Variants in CTNND2 observed in about 807,000 individuals in gnomAD.
CTNND2 encodes the protein catenin delta-2.
Under a neutral mutation model 144.4 loss-of-function variants are expected in CTNND2, and 22 were observed. The observed-to-expected ratio is 0.15, with a 90% CI of 0.11 to 0.22. The LOEUF (loss-of-function observed/expected upper bound fraction) is 0.22. Ranked by LOEUF, CTNND2 falls within the 10% of genes least tolerant of loss-of-function variation. The pLI is 1.00. For synonymous variants in CTNND2, 751 were observed against 695.6 expected, an observed-to-expected ratio of 1.08 and a Z score of -1.25; for missense variants, 1,353 against 1,618.8, an observed-to-expected ratio of 0.84 and a Z score of 2.82.
intron 16 of CTNND2, among the ~76,000 whole-genome samples, chr5:11,036,032 T>C (rs1405407206): frequency 6.6e-6 from 1 of 152,218 alleles, no homozygotes; most frequent in African/African-American, 2.4e-5. Flanking sequence ...TTTGAGTATA[T>C]ACTCTGTTTT....
intron 3 of CTNND2, among the ~76,000 whole-genome samples, chr5:11,492,731 G>A (rs565526625): frequency 1.3e-5 from 2 of 151,496 alleles, no homozygotes; most frequent in African/African-American, 4.8e-5. Flanking sequence ...TTCATTAATA[G>A]ATATATACAT....
rs1759524776 is a variant in CTNND2, at chr5:11,390,347, C to G, written c.613-5118G>C. Among the ~76,000 whole-genome samples, 4 of 152,262 alleles carry G rather than the reference C, an allele frequency of 2.6e-5. No homozygotes were observed. In the East Asian group the frequency reaches 7.7e-4, roughly 29 times the overall value. ...TCCAGATTCTTTCACGCTGAATCTT[C>G]TATGGAGGGAGTAGGAATGGCAGAG... On this transcript the variant is annotated intron_variant, in intron 6 of 21. Transcript: ENST00000304623.
chr5:11,108,838 C>T lies in CTNND2; in HGVS notation c.2463+2020G>A, dbSNP rs61754607. On this transcript the variant is annotated intron_variant, in intron 14 of 21. Transcript: ENST00000304623. ...CCAAACCACGCTGAAACAGTACCCA[C>T]CTCAGGACACCATCACAGGATCGTT... Among the ~76,000 whole-genome samples, 355 of 152,268 alleles carry T rather than the reference C, an allele frequency of 2.3e-3. 1 individual carries two copies. The highest frequency in any genetic ancestry group is 3.7e-3 in the South Asian group (18 of 4,814).
intron 2 of CTNND2, among the ~76,000 whole-genome samples, chr5:11,681,969 C>A (rs912810509): frequency 6.7e-6 from 1 of 149,588 alleles, no homozygotes; most frequent in Admixed American, 6.7e-5. Flanking sequence ...GGCCTTCTGA[C>A]ACATGACACA....
At chr5:11,245,463 A>T (rs1742901367) in intron 9 of CTNND2, among the ~76,000 whole-genome samples, 1 of 152,160 alleles carries the variant, frequency 6.6e-6, no homozygotes, top group Non-Finnish European at 1.5e-5. Context: ...TGGACGCAGA[A>T]GAGGGCAATG....
intron 1 of CTNND2, among the ~76,000 whole-genome samples, chr5:11,845,687 C>T (rs768101148): frequency 2.4e-4 from 36 of 152,240 alleles, no homozygotes; most frequent in Non-Finnish European, 4.6e-4. Flanking sequence ...ACTCAGTTTG[C>T]GATGCTTTGT....
chr5:11,408,635 A>G (rs1176191021), intron 5 of CTNND2, among the ~76,000 whole-genome samples: 8 of 152,154 alleles, frequency 5.3e-5, no homozygotes, highest in Non-Finnish European at 1.0e-4. Context: ...GTGACAATAT[A>G]AAGTGACTAA....
chr5:11,129,898 G>T (rs1755391892), intron 12 of CTNND2, among the ~76,000 whole-genome samples: 1 of 152,064 alleles, frequency 6.6e-6, no homozygotes, highest in Admixed American at 6.6e-5. Flanking sequence ...AACTTTTATT[G>T]GTTGCAAATA....
In CTNND2 at chr5:11,595,801, C is replaced by T. The variant is rs186795847; in HGVS notation, c.175-30745G>A. Among the ~76,000 whole-genome samples, 15 of 152,194 alleles carry T rather than the reference C, an allele frequency of 9.9e-5. No individual in the cohort carries two copies. In the East Asian group the frequency reaches 1.7e-3, roughly 18 times the overall value. ...TTCCATCCAGTTATCAAATACACAA[C>T]GACAACGATTGCCAGAAAATTAACT... is the stretch of plus-strand genomic sequence containing the variant. On this transcript the variant is annotated intron_variant, in intron 2 of 21. Transcript: ENST00000304623.
intron 16 of CTNND2, among the ~76,000 whole-genome samples, chr5:11,063,829 C>A (rs1239192620): frequency 6.6e-6 from 1 of 151,930 alleles, no homozygotes; most frequent in East Asian, 1.9e-4. Flanking sequence ...GCATAGCTTT[C>A]CAAAAGTCTT....
At chr5:11,715,915 C>A (rs551653317) in intron 2 of CTNND2, among the ~76,000 whole-genome samples, 1 of 152,304 alleles carries the variant, frequency 6.6e-6, no homozygotes, top group African/African-American at 2.4e-5. Flanking sequence ...AACAATCAAG[C>A]ATTCTAGCTT....
chr5:11,401,477 T>C (rs1449103482), intron 5 of CTNND2, among the ~76,000 whole-genome samples: 1 of 152,168 alleles, frequency 6.6e-6, no homozygotes, highest in African/African-American at 2.4e-5. Context: ...TATCTGAACG[T>C]GTGTTGAAAA....
At chr5:11,730,295 T>C (rs907760041) in intron 2 of CTNND2, among the ~76,000 whole-genome samples, 11 of 152,208 alleles carry the variant, frequency 7.2e-5, no homozygotes, top group African/African-American at 2.7e-4. Flanking sequence ...TTTTTACAGT[T>C]ACCATTTTTT....
chr5:11,887,847 T>C (rs760288471), intron 1 of CTNND2, among the ~76,000 whole-genome samples: 14 of 152,206 alleles, frequency 9.2e-5, no homozygotes, highest in Non-Finnish European at 1.8e-4. Flanking sequence ...TCAGGCATTC[T>C]GCAGAATAAA....
At chr5:11,842,936 C>G (rs550798472) in intron 1 of CTNND2, among the ~76,000 whole-genome samples, 1 of 152,246 alleles carries the variant, frequency 6.6e-6, no homozygotes, top group South Asian at 2.1e-4. Flanking sequence ...CAATCAGGAA[C>G]AGGTACAGCA....
At chr5:11,147,054 C>A (rs1443933529) in intron 12 of CTNND2, among the ~76,000 whole-genome samples, 1 of 152,228 alleles carries the variant, frequency 6.6e-6, no homozygotes, top group Non-Finnish European at 1.5e-5. Flanking sequence ...TCAATTCAGT[C>A]ATTCACTCAG....
intron 7 of CTNND2, among the ~76,000 whole-genome samples, chr5:11,382,127 A>T (rs4702803): frequency 0.21 from 31,889 of 152,060 alleles, 3,552 homozygotes; most frequent in Admixed American, 0.27. Flanking sequence ...ATCTAAAATA[A>T]AAGTTGGAAA....
At chr5:10,991,608 A>T (rs988362904) in intron 19 of CTNND2, among the ~76,000 whole-genome samples, 3 of 152,240 alleles carry the variant, frequency 2.0e-5, no homozygotes, top group African/African-American at 7.2e-5. Context: ...AATGTGAATT[A>T]AAAAGGGTAT....
intron 10 of CTNND2, among the ~76,000 whole-genome samples, chr5:11,200,609 T>C (rs1321320894): frequency 1.3e-5 from 2 of 152,186 alleles, no homozygotes; most frequent in African/African-American, 4.8e-5. Context: ...GAAAAACTCA[T>C]TCATGTCACA....
Sources: allele counts gnomAD v4.1 joint callset (sites outside exome capture counted in the v4.1 genomes callset), GRCh38; gene constraint gnomAD v4.1.1; transcripts MANE v1.5; gene names NCBI Gene and HGNC (gene_info 2026-07-23, HGNC 2026-07-21).